Variants in KITLG observed in about 807,000 individuals in gnomAD.
KITLG encodes the protein KIT ligand, also known as c-Kit ligand.
KITLG carries 13 observed loss-of-function variants against 34.1 expected under a neutral mutation model. The observed-to-expected ratio is 0.38, with a 90% CI of 0.25 to 0.61. The LOEUF (loss-of-function observed/expected upper bound fraction) is 0.61. Ranked by LOEUF, KITLG falls within the 20% of genes least tolerant of loss-of-function variation. The probability of loss-of-function intolerance (pLI) is 0.60; values close to 1 mark genes in which losing one functional copy is unlikely to be tolerated. For missense variants in KITLG, 292 were observed against 318.9 expected (o/e 0.92, Z 0.64); for synonymous variants, 110 against 104.0 (o/e 1.06, Z -0.35).
chr12:88,517,980 A>G (rs1225651299), intron 4 of KITLG, among the ~76,000 whole-genome samples: 3 of 152,176 alleles, frequency 2.0e-5, no homozygotes, highest in Admixed American at 1.3e-4. Flanking sequence ...TGATTTTGCT[A>G]TAGACACAGT....
In KITLG at chr12:88,518,878, T is replaced by C. The variant is rs768707564; in HGVS notation, c.193-11A>G. On this transcript the variant is annotated splice_polypyrimidine_tract_variant and intron_variant, in intron 3 of 9. Coordinates refer to ENST00000644744, the MANE Select transcript of KITLG (RefSeq NM_000899.5). ...CCAACAATGACTTGGCTGCAAGATA[T>C]GAAAAAAGAGACAAAACAGCTATTT... 4 of 1,612,084 alleles carry C rather than the reference T, an allele frequency of 2.5e-6. No homozygotes were observed. The highest frequency in any genetic ancestry group is 4.5e-5 in the East Asian group (2 of 44,746).
intron 8 of KITLG, among the ~76,000 whole-genome samples, chr12:88,505,773 T>C (rs1214805800): frequency 5.9e-5 from 9 of 152,102 alleles, no homozygotes; most frequent in South Asian, 2.1e-4. Flanking sequence ...ACTGAACGTA[T>C]TTTGAATAAG....
intron 3 of KITLG, among the ~76,000 whole-genome samples, chr12:88,521,147 T>A (rs1173792958): frequency 2.0e-5 from 3 of 152,168 alleles, no homozygotes; most frequent in African/African-American, 7.2e-5. Context: ...AAAGTTCTAT[T>A]TTTCAGTAAT....
At chr12:88,547,336 T>A (rs1870753368) in intron 1 of KITLG, among the ~76,000 whole-genome samples, 1 of 152,228 alleles carries the variant, frequency 6.6e-6, no homozygotes, top group Admixed American at 6.5e-5. Context: ...GTGGTTTGTA[T>A]TCAAGATTGA....
chr12:88,536,074 T>C (rs1309806187), intron 2 of KITLG, among the ~76,000 whole-genome samples: 1 of 152,086 alleles, frequency 6.6e-6, no homozygotes, highest in African/African-American at 2.4e-5. Flanking sequence ...ACTAAAGAGC[T>C]ACTACACAGC....
chr12:88,496,153 G>A lies in KITLG; in HGVS notation c.*1066C>T, dbSNP rs945575067. 2 of 152,092 alleles carry A rather than the reference G, an allele frequency of 1.3e-5. No homozygotes were observed. Among genetic ancestry groups the A allele is most frequent in the South Asian group, 4.1e-4 (2 of 4,830 alleles). The allele number at this position is 152,092 out of a possible 1,614,324, so 9.4% of individuals were successfully genotyped here. On this transcript the variant is annotated 3_prime_UTR_variant, in exon 10 of 10. Coordinates refer to ENST00000644744, the MANE Select transcript of KITLG (RefSeq NM_000899.5). ...GGTGATTATACTATAAATAACTAAA[G>A]TTTCCTGATTCCTTGCATTATAAGT...
At position 88,493,863 on chromosome 12, in the gene KITLG, C is replaced by T. The variant is rs952333449; in HGVS notation, c.*3356G>A. Reference sequence around the variant, plus strand: ...TTATTCAAGCAAAGGAAAAAGCCATCTCTTGTGTAAATGGTGATCCAATTC... The same window carrying T: ...TTATTCAAGCAAAGGAAAAAGCCATTTCTTGTGTAAATGGTGATCCAATTC... On this transcript the variant is annotated 3_prime_UTR_variant, in exon 10 of 10. Transcript: ENST00000644744. 3 of 151,914 alleles carry T rather than the reference C, an allele frequency of 2.0e-5. No individual in the cohort carries two copies. In the South Asian group the frequency reaches 6.2e-4, roughly 31 times the overall value. 9.4% of individuals were successfully genotyped at this position (151,914 alleles called of 1,614,324 possible).
chr12:88,535,395 T>G (rs898252693), intron 2 of KITLG, among the ~76,000 whole-genome samples: 4 of 152,188 alleles, frequency 2.6e-5, no homozygotes, highest in Non-Finnish European at 5.9e-5. Context: ...TCATATACAG[T>G]CTCTACCACA....
At chr12:88,541,447 C>T (rs1870515173) in intron 2 of KITLG, among the ~76,000 whole-genome samples, 1 of 152,078 alleles carries the variant, frequency 6.6e-6, no homozygotes, top group South Asian at 2.1e-4. Flanking sequence ...TAAATTGCCT[C>T]AAATGAAGAA....
At chr12:88,502,419 C>T (rs1386516079) in intron 9 of KITLG, among the ~76,000 whole-genome samples, 2 of 152,278 alleles carry the variant, frequency 1.3e-5, no homozygotes, top group South Asian at 2.1e-4. Context: ...AACCCTACTT[C>T]AGAAGAACAA....
At chr12:88,521,492 G>T (rs1309408334) in intron 3 of KITLG, among the ~76,000 whole-genome samples, 1 of 151,942 alleles carries the variant, frequency 6.6e-6, no homozygotes, top group African/African-American at 2.4e-5. Context: ...CTTAATAAAT[G>T]ATATTATCAC....
intron 5 of KITLG, 30 bp downstream of exon 5, chr12:88,516,304 A>G: frequency 6.3e-7 from 1 of 1,596,708 alleles, no homozygotes; most frequent in South Asian, 1.1e-5. Context: ...TGTTGTTTAC[A>G]TTTGAACTGG....
Position 88,497,102 on chromosome 12 carries a change from A to G in KITLG, c.*117T>C, listed in dbSNP as rs1566016098. 2.3e-6 allele frequency: 1 copy of G among 438,172 alleles called. No homozygotes were observed. Among genetic ancestry groups the G allele is most frequent in the East Asian group, 7.2e-5 (1 of 13,876 alleles). 27.1% of individuals were successfully genotyped at this position (438,172 alleles called of 1,614,324 possible). A position where few individuals can be genotyped will look rare whatever the true frequency, so the allele number is the denominator to read the frequency against. ...TCATGGGTAGCAAGAACAGATAAAG[A>G]TGTGGTCTGTCACTCCAGACAGAAT... On this transcript the variant is annotated 3_prime_UTR_variant, in exon 10 of 10. Transcript: ENST00000644744.
chr12:88,557,799 G>T lies in KITLG; in HGVS notation c.16-11934C>A, dbSNP rs115778674. 6.3e-3 allele frequency among the ~76,000 whole-genome samples: 961 copies of T among 152,156 alleles called. 12 individuals carry two copies. Among genetic ancestry groups the T allele is most frequent in the African/African-American group, 0.022 (912 of 41,482 alleles). On this transcript the variant is annotated intron_variant, in intron 1 of 9. Coordinates refer to ENST00000644744, the MANE Select transcript of KITLG (RefSeq NM_000899.5). Reference sequence around the variant, plus strand: ...GAAATCTGCATCTTCAGCACTCCATGGACACGGGCACCGTTTACTCTTATG... The same window carrying T: ...GAAATCTGCATCTTCAGCACTCCATTGACACGGGCACCGTTTACTCTTATG...
chr12:88,580,168 C>G (rs1871967366), intron 1 of KITLG, 96 bp downstream of exon 1: 5 of 1,317,500 alleles, frequency 3.8e-6, no homozygotes, highest in Admixed American at 2.0e-5. Context: ...GCCCTGCACG[C>G]CCCAGCTGCA....
At chr12:88,551,612 T>C (rs1322287970) in intron 1 of KITLG, among the ~76,000 whole-genome samples, 1 of 152,228 alleles carries the variant, frequency 6.6e-6, no homozygotes, top group Non-Finnish European at 1.5e-5. Context: ...TTCCTTAGTT[T>C]TCCTGTTTCC....
chr12:88,553,809 G>A (rs980325871), intron 1 of KITLG, among the ~76,000 whole-genome samples: 1 of 152,182 alleles, frequency 6.6e-6, no homozygotes, highest in Non-Finnish European at 1.5e-5. Context: ...AAGTAATACT[G>A]ACTAAAATTT....
At chr12:88,570,086 G>A (rs1199546021) in intron 1 of KITLG, among the ~76,000 whole-genome samples, 1 of 152,114 alleles carries the variant, frequency 6.6e-6, no homozygotes, top group Non-Finnish European at 1.5e-5. Flanking sequence ...AGTACTTTCT[G>A]AAGTATCTTT....
intron 3 of KITLG, among the ~76,000 whole-genome samples, chr12:88,527,341 A>T (rs1869912202): frequency 6.6e-6 from 1 of 152,228 alleles, no homozygotes; most frequent in African/African-American, 2.4e-5. Flanking sequence ...ATAAATCCTC[A>T]GGTATCAAAG....
Sources: allele counts gnomAD v4.1 joint callset (sites outside exome capture counted in the v4.1 genomes callset), GRCh38; gene constraint gnomAD v4.1.1; transcripts MANE v1.5; gene names NCBI Gene and HGNC (gene_info 2026-07-23, HGNC 2026-07-21).